Variants in ZSWIM5 observed in about 807,000 individuals in gnomAD.
ZSWIM5 encodes the protein zinc finger SWIM domain-containing protein 5.
In ZSWIM5, 55 loss-of-function variants were observed where a neutral mutation model predicts 119.6. The observed-to-expected ratio is 0.46, with a 90% confidence interval of 0.37 to 0.58. The LOEUF is 0.58. Ranked by LOEUF, ZSWIM5 falls within the 20% of genes least tolerant of loss-of-function variation. ZSWIM5 has a pLI of 0.00. For synonymous variants in ZSWIM5, 537 were observed against 606.9 expected (o/e 0.88, Z 1.69); for missense variants, 1,193 against 1,512.8 (o/e 0.79, Z 3.51).
chr1:45,098,685 C>A (rs1376347835), intron 1 of ZSWIM5, among the ~76,000 whole-genome samples: 6 of 152,122 alleles, frequency 3.9e-5, no homozygotes, highest in Non-Finnish European at 8.8e-5. Flanking sequence ...GAACAGAAAT[C>A]ACAACAAACT....
At position 45,036,260 on chromosome 1, in the gene ZSWIM5, G is replaced by GT. The variant is rs1248692475; in HGVS notation, c.1933_1934insA (p.Pro645HisfsTer11). ...GCTGTTTGGGGAGCCTGCAGCCACA[G>GT]GTACATGCTGGTACACAGGGGGTCT... On this transcript the variant is annotated frameshift_variant, in exon 9 of 14. Transcript: ENST00000359600. LOFTEE classifies it high-confidence loss of function. The GT allele has an allele frequency of 1.9e-6, 3 of 1,613,960 alleles. No individual in the cohort carries two copies. Among genetic ancestry groups the GT allele is most frequent in the Middle Eastern group, 3.4e-4 (2 of 5,946 alleles).
chr1:45,056,656 T>A (rs1156942805), intron 4 of ZSWIM5, among the ~76,000 whole-genome samples: 1 of 150,236 alleles, frequency 6.7e-6, no homozygotes, highest in South Asian at 2.1e-4. Flanking sequence ...CTGATGGAAA[T>A]GATCCTGTAG....
intron 1 of ZSWIM5, among the ~76,000 whole-genome samples, chr1:45,094,817 C>T (rs1438638490): frequency 6.7e-6 from 1 of 148,404 alleles, no homozygotes; most frequent in African/African-American, 2.5e-5. Flanking sequence ...ATCGAGGTTA[C>T]AGTGAGCCAA....
intron 1 of ZSWIM5, among the ~76,000 whole-genome samples, chr1:45,135,172 A>G (rs546916869): frequency 6.6e-6 from 1 of 151,332 alleles, no homozygotes; most frequent in South Asian, 2.1e-4. Flanking sequence ...TAATGTAAAA[A>G]TACCATTTTA....
At chr1:45,068,923 G>A (rs552673262) in intron 2 of ZSWIM5, among the ~76,000 whole-genome samples, 6 of 148,186 alleles carry the variant, frequency 4.0e-5, no homozygotes, top group Admixed American at 6.8e-5. Context: ...GCCTTGCCTC[G>A]GCCTCCTGAG....
intron 2 of ZSWIM5, among the ~76,000 whole-genome samples, chr1:45,082,033 A>G (rs1160304473): frequency 1.3e-5 from 2 of 152,128 alleles, no homozygotes; most frequent in Non-Finnish European, 2.9e-5. Context: ...CTTATCCCCA[A>G]CCCTGTGCTC....
At chr1:45,200,641 T>C (rs974844374) in intron 1 of ZSWIM5, among the ~76,000 whole-genome samples, 1 of 152,210 alleles carries the variant, frequency 6.6e-6, no homozygotes, top group Non-Finnish European at 1.5e-5. Flanking sequence ...ACAGTCATCA[T>C]TTTTTATCAA....
rs186386204 is a variant in ZSWIM5, at chr1:45,181,599, C to T, written c.595+24157G>A. Among the ~76,000 whole-genome samples, 7 of 151,972 alleles carry T rather than the reference C, an allele frequency of 4.6e-5. No individual in the cohort carries two copies. In the South Asian group the frequency reaches 8.3e-4, roughly 18 times the overall value. ...CAGAGAACGCCACAAAGATACTCCT[C>T]GAGAAGAGCAACTCCAAGACACATA... On this transcript the variant is annotated intron_variant, in intron 1 of 13. Transcript: ENST00000359600.
intron 2 of ZSWIM5, among the ~76,000 whole-genome samples, chr1:45,077,224 G>A (rs1476786735): frequency 1.3e-5 from 2 of 152,150 alleles, no homozygotes. Context: ...GCCTGGGCTT[G>A]TTTGTACCTG....
chr1:45,192,624 G>A (rs539909190), intron 1 of ZSWIM5, among the ~76,000 whole-genome samples: 20 of 152,280 alleles, frequency 1.3e-4, no homozygotes, highest in African/African-American at 4.8e-4. Flanking sequence ...AAACATGGTT[G>A]TATAAATATC....
intron 1 of ZSWIM5, among the ~76,000 whole-genome samples, chr1:45,202,932 C>A (rs1189548494): frequency 6.6e-6 from 1 of 152,082 alleles, no homozygotes; most frequent in South Asian, 2.1e-4. Flanking sequence ...GTTTATACTA[C>A]TACTATATCC....
intron 1 of ZSWIM5, among the ~76,000 whole-genome samples, chr1:45,138,521 A>AG (rs1355343549): frequency 2.6e-5 from 4 of 151,804 alleles, no homozygotes; most frequent in Admixed American, 1.3e-4. Flanking sequence ...AAAAAAAAAA[A>AG]AAAGAAAGGA....
At chr1:45,024,045 T>A (rs1644905305) in intron 11 of ZSWIM5, among the ~76,000 whole-genome samples, 1 of 152,208 alleles carries the variant, frequency 6.6e-6, no homozygotes, top group Non-Finnish European at 1.5e-5. Context: ...TAGCCCATTT[T>A]AAAATTGGGT....
At chr1:45,031,564 G>A (rs1432069410) in intron 11 of ZSWIM5, among the ~76,000 whole-genome samples, 1 of 151,866 alleles carries the variant, frequency 6.6e-6, no homozygotes, top group Non-Finnish European at 1.5e-5. Flanking sequence ...TCTGGGCTGG[G>A]CACAGTGGCT....
At chr1:45,094,336 G>C (rs954260046) in intron 1 of ZSWIM5, among the ~76,000 whole-genome samples, 1 of 152,004 alleles carries the variant, frequency 6.6e-6, no homozygotes, top group Admixed American at 6.6e-5. Flanking sequence ...TTACAGGCAC[G>C]AGCCACTGTG....
intron 1 of ZSWIM5, among the ~76,000 whole-genome samples, chr1:45,152,210 T>G (rs1394685020): frequency 6.6e-6 from 1 of 152,106 alleles, no homozygotes; most frequent in Non-Finnish European, 1.5e-5. Flanking sequence ...GGCAGTGATA[T>G]AATCATATTT....
chr1:45,046,048 A>G (rs1182518643), intron 5 of ZSWIM5, among the ~76,000 whole-genome samples: 2 of 152,014 alleles, frequency 1.3e-5, no homozygotes. Context: ...GGATGGAATG[A>G]GCAAGCAGGA....
chr1:45,090,271 GATAAAA>G (rs1645357442), intron 1 of ZSWIM5, among the ~76,000 whole-genome samples: 1 of 152,178 alleles, frequency 6.6e-6, no homozygotes, highest in African/African-American at 2.4e-5. Context: ...GCAAGAAAAA[GATAAAA>G]ATAAATTCAC....
Position 45,023,069 on chromosome 1 carries a change from T to C in ZSWIM5, c.2450-2281A>G, listed in dbSNP as rs747598465. ...ATAATTATTAGTGTGGTACATTTGA[T>C]GAACCAATATGCATATATTATTAAC... On this transcript the variant is annotated intron_variant, in intron 11 of 13. Transcript: ENST00000359600. Among the ~76,000 whole-genome samples, 10 of 152,250 alleles carry C rather than the reference T, an allele frequency of 6.6e-5. No homozygotes were observed. The South Asian group carries it at 8.3e-4, about 13-fold the overall frequency.
Sources: allele counts gnomAD v4.1 joint callset (sites outside exome capture counted in the v4.1 genomes callset), GRCh38; gene constraint gnomAD v4.1.1; transcripts MANE v1.5; gene names NCBI Gene and HGNC (gene_info 2026-07-23, HGNC 2026-07-21).